The following TVP23C variants were observed in gnomAD, a reference collection of about 807,000 sequenced individuals.
TVP23C encodes the protein Golgi apparatus membrane protein TVP23 homolog C.
TVP23C carries 19 observed loss-of-function variants against 28.7 expected under a neutral mutation model. That is an observed-to-expected ratio of 0.66 (90% confidence interval 0.46 to 0.97). The LOEUF (loss-of-function observed/expected upper bound fraction) is 0.97, where lower values mean the gene tolerates loss of function less well. Among genes scored for constraint, TVP23C ranks in the 50% least tolerant of loss-of-function variants. TVP23C has a pLI of 0.00. For missense variants in TVP23C, 186 were observed against 241.3 expected (o/e 0.77, Z 1.52); for synonymous variants, 68 against 81.7 (o/e 0.83, Z 0.90).
intron 5 of TVP23C, chr17:15,503,605 T>C (rs1434997208): frequency 1.3e-5 from 2 of 159,158 alleles, no homozygotes; most frequent in African/African-American, 4.8e-5. Flanking sequence ...GACATTAGAA[T>C]GTCAAATTCT....
At chr17:15,522,967 CAAAA>C (rs1180868631) in intron 5 of TVP23C, among the ~76,000 whole-genome samples, 2 of 151,768 alleles carry the variant, frequency 1.3e-5, no homozygotes, top group Non-Finnish European at 2.9e-5. Flanking sequence ...ACCAAACAAA[CAAAA>C]AACTCCCTAA....
intron 5 of TVP23C, among the ~76,000 whole-genome samples, chr17:15,504,682 C>T (rs968106726): frequency 3.3e-5 from 5 of 152,092 alleles, no homozygotes; most frequent in African/African-American, 1.2e-4. Context: ...TACAGGCACG[C>T]ACCACCATGC....
intron 5 of TVP23C, among the ~76,000 whole-genome samples, chr17:15,518,160 T>C (rs1597509795): frequency 9.3e-6 from 1 of 107,760 alleles, no homozygotes; most frequent in African/African-American, 3.9e-5. Context: ...AGATCAAGAC[T>C]CCATCTCAAA....
In TVP23C at chr17:15,539,105, C is replaced by T. The variant is rs1433804944; in HGVS notation, c.*1307G>A. 2.1e-6 allele frequency: 2 copies of T among 970,346 alleles called. No individual in the cohort carries two copies. Among genetic ancestry groups the T allele is most frequent in the East Asian group, 1.1e-4 (1 of 8,728 alleles). 60.1% of individuals were successfully genotyped at this position (970,346 alleles called of 1,614,324 possible). A position where few individuals can be genotyped will look rare whatever the true frequency, so the allele number is the denominator to read the frequency against. On this transcript the variant is annotated 3_prime_UTR_variant, in exon 6 of 6. Transcript: ENST00000518321. Reference sequence around the variant, plus strand: ...CTAAAATGTAATCCCTGGACCAGTGCCCTCAGTACCACCCAGAAACTTGGG... The same window carrying T: ...CTAAAATGTAATCCCTGGACCAGTGTCCTCAGTACCACCCAGAAACTTGGG...
At chr17:15,509,527 G>A (rs1020679875) in intron 5 of TVP23C, among the ~76,000 whole-genome samples, 8 of 152,330 alleles carry the variant, frequency 5.3e-5, no homozygotes, top group African/African-American at 1.9e-4. Context: ...ACAGATCCCT[G>A]ACAGTAAAAT....
At chr17:15,546,270 A>C (rs1333897730) in intron 4 of TVP23C, among the ~76,000 whole-genome samples, 1 of 152,186 alleles carries the variant, frequency 6.6e-6, no homozygotes, top group East Asian at 1.9e-4. Flanking sequence ...TCACAGTTAT[A>C]ATCATTCTGG....
chr17:15,522,758 C>A (rs1982532127), intron 5 of TVP23C, among the ~76,000 whole-genome samples: 1 of 152,086 alleles, frequency 6.6e-6, no homozygotes. Context: ...TCAAAACACT[C>A]CTGGCCAAGC....
Position 15,553,683 on chromosome 17 carries a change from A to G in TVP23C, c.240+2T>C. On this transcript the variant is annotated splice_donor_variant, in intron 3 of 5. Coordinates refer to ENST00000518321, the MANE Select transcript of TVP23C (RefSeq NM_001135036.2). LOFTEE classifies it high-confidence loss of function. ...TTTTAAAATAAAAACAATCAAAATT[A>G]CCTTCACTGCCCAAAAGTCACACGA... 2 of 1,595,060 alleles carry G rather than the reference A, an allele frequency of 1.3e-6. No individual in the cohort carries two copies. Among genetic ancestry groups the G allele is most frequent in the Non-Finnish European group, 1.7e-6 (2 of 1,175,140 alleles).
In TVP23C at chr17:15,503,064, GA is replaced by G; in HGVS notation, c.630del (p.Arg211GlufsTer73). On this transcript the variant is annotated frameshift_variant, in exon 6 of 6. Transcript: ENST00000225576. LOFTEE classifies it low-confidence loss of function (END_TRUNC). ...GGCGCAGGTTTCCAGTAAAGAGCTC[GA>G]TCCGTGATCCTCGTGAAAGAATTAA... 6.2e-7 allele frequency: 1 copy of G among 1,614,126 alleles called. No homozygotes were observed. The highest frequency in any genetic ancestry group is 8.5e-7 in the Non-Finnish European group (1 of 1,180,022).
At position 15,537,468 on chromosome 17, in the gene TVP23C, G is replaced by A; in HGVS notation, c.*2944C>T. The stretch of plus-strand genomic sequence containing the variant: ...TAAATAGAATAGCAGCAATCTCTGG[G>A]TATTCCTTAAACTATGATGATTCCA... On this transcript the variant is annotated 3_prime_UTR_variant, in exon 6 of 6. Coordinates refer to ENST00000518321, the MANE Select transcript of TVP23C (RefSeq NM_001135036.2). 1 of 984,958 alleles carries A rather than the reference G, an allele frequency of 1.0e-6. No individual in the cohort carries two copies. The highest frequency in any genetic ancestry group is 1.2e-6 in the Non-Finnish European group (1 of 829,594). The allele number at this position is 984,958 out of a possible 1,614,324, so 61.0% of individuals were successfully genotyped here.
Position 15,528,096 on chromosome 17 carries a change from TTA to T in TVP23C, c.462+17687_462+17688del, listed in dbSNP as rs199798331. On this transcript the variant is annotated intron_variant, in intron 5 of 5. Coordinates refer to the TVP23C transcript ENST00000225576. ...GTTTTCTCTACTGTTTTTCAAGTCTTTATGTTTTTTCTTTCCTTTCTAATCTA... is the reference window on the plus strand; with the variant it reads ...GTTTTCTCTACTGTTTTTCAAGTCTTTGTTTTTTCTTTCCTTTCTAATCTA... Among the ~76,000 whole-genome samples, 325 of 152,240 alleles carry T rather than the reference TTA, an allele frequency of 2.1e-3. 2 individuals are homozygous for T. Among genetic ancestry groups the T allele is most frequent in the African/African-American group, 7.3e-3 (302 of 41,568 alleles).
intron 3 of TVP23C, among the ~76,000 whole-genome samples, chr17:15,548,386 G>T (rs1217676115): frequency 6.6e-6 from 1 of 152,110 alleles, no homozygotes; most frequent in Non-Finnish European, 1.5e-5. Context: ...GGTTGGTCTC[G>T]AACTCCCAAC....
At chr17:15,510,034 G>A (rs1283290816) in intron 5 of TVP23C, among the ~76,000 whole-genome samples, 1 of 152,184 alleles carries the variant, frequency 6.6e-6, no homozygotes, top group Non-Finnish European at 1.5e-5. Context: ...TTTCGGAGAC[G>A]TTGACTTTTT....
At chr17:15,559,313 TAAAAAAAAA>T (rs56346847) in intron 1 of TVP23C, among the ~76,000 whole-genome samples, 1 of 105,164 alleles carries the variant, frequency 9.5e-6, no homozygotes, top group Non-Finnish European at 2.0e-5. Context: ...GGTACAGATT[TAAAAAAAAA>T]AAAAAAAAAA....
chr17:15,561,464 T>C (rs1984383348), intron 1 of TVP23C, among the ~76,000 whole-genome samples: 1 of 152,060 alleles, frequency 6.6e-6, no homozygotes, highest in Admixed American at 6.5e-5. Flanking sequence ...CCGGGCATGG[T>C]GGCGGGCGCC....
intron 5 of TVP23C, among the ~76,000 whole-genome samples, chr17:15,512,889 C>T (rs1480370443): frequency 2.0e-5 from 3 of 152,116 alleles, no homozygotes; most frequent in African/African-American, 4.8e-5. Flanking sequence ...CATGGAGTCC[C>T]CCTGCTTGGG....
At chr17:15,517,539 TC>T (rs1438698816) in intron 5 of TVP23C, among the ~76,000 whole-genome samples, 1 of 152,206 alleles carries the variant, frequency 6.6e-6, no homozygotes, top group Non-Finnish European at 1.5e-5. Flanking sequence ...ATCCACCTCA[TC>T]AAGTTGTTAT....
chr17:15,524,345 T>C (rs888725269), intron 5 of TVP23C, among the ~76,000 whole-genome samples: 4 of 152,136 alleles, frequency 2.6e-5, no homozygotes, highest in Admixed American at 1.3e-4. Flanking sequence ...TAAACAGCCA[T>C]TGAGCATCTG....
chr17:15,506,667 C>T (rs908466795), intron 5 of TVP23C, among the ~76,000 whole-genome samples: 3 of 152,206 alleles, frequency 2.0e-5, no homozygotes, highest in African/African-American at 4.8e-5. Flanking sequence ...TAACACTCAC[C>T]GCAAAGGTCT....
Sources: gnomAD v4.1 joint callset for allele counts (sites outside exome capture counted in the v4.1 genomes callset) on GRCh38, gnomAD v4.1.1 for gene constraint, MANE v1.5 for transcripts, NCBI Gene and HGNC (gene_info 2026-07-23, HGNC 2026-07-21) for gene names.